Variants in MTUS2 observed in about 807,000 individuals in gnomAD.
The protein encoded by MTUS2 is microtubule associated scaffold protein 2.
Under a neutral mutation model 114.1 loss-of-function variants are expected in MTUS2, and 40 were observed. That is an observed-to-expected ratio of 0.35 (90% CI 0.27 to 0.46). The LOEUF is 0.46. Ranked by LOEUF, MTUS2 falls within the 20% of genes least tolerant of loss-of-function variation. The probability of loss-of-function intolerance (pLI) is 1.00; values close to 1 mark genes in which losing one functional copy is unlikely to be tolerated. For missense variants in MTUS2, 1,679 were observed against 1,705.4 expected (o/e 0.98, Z 0.27); for synonymous variants, 688 against 672.0 (o/e 1.02, Z -0.37).
chr13:29,058,813 G>A (rs1218176894), intron 4 of MTUS2, among the ~76,000 whole-genome samples: 1 of 150,434 alleles, frequency 6.6e-6, no homozygotes, highest in Non-Finnish European at 1.5e-5. Context: ...AACATGCGGT[G>A]TTTGGTTTTT....
chr13:29,241,270 A>G (rs1316293827), intron 5 of MTUS2, among the ~76,000 whole-genome samples: 1 of 148,894 alleles, frequency 6.7e-6, no homozygotes, highest in African/African-American at 2.5e-5. Context: ...TAAAATTGAC[A>G]GAACAATTTC....
At position 29,025,332 on chromosome 13, in the gene MTUS2, G is replaced by T. The variant is rs760588719; in HGVS notation, c.634G>T (p.Gly212Cys). Residue 212 changes from glycine to cysteine, a missense_variant, in exon 3 of 16, where the codon GGT becomes TGT. Transcript: ENST00000612955. ...GGAAGCACGGGGTCAGATACCTGGGGGTGGGGAGGGGCCACAGAAGACATT... is the reference window on the plus strand; with the variant it reads ...GGAAGCACGGGGTCAGATACCTGGGTGTGGGGAGGGGCCACAGAAGACATT... ...SREARGQIPG[G>C]GEGPQKTLPD... 1.7e-5 allele frequency: 28 copies of T among 1,613,810 alleles called. No individual in the cohort carries two copies. In the East Asian group the frequency reaches 6.0e-4, roughly 35 times the overall value.
rs529843908 is a variant in MTUS2, at chr13:29,351,799, G to A, written c.2906-7463G>A. 4.1e-5 allele frequency among the ~76,000 whole-genome samples: 6 copies of A among 147,028 alleles called. No individual in the cohort carries two copies. In the South Asian group the frequency reaches 1.1e-3, roughly 26 times the overall value. On this transcript the variant is annotated intron_variant, in intron 7 of 15. Coordinates refer to ENST00000612955, the MANE Select transcript of MTUS2 (RefSeq NM_001033602.4). Reference sequence around the variant, plus strand: ...GTTTATTTTTTTTTTTTTTTTTGTAGAGATGATGTCTCTCCGTGTTGCCCA... The same window carrying A: ...GTTTATTTTTTTTTTTTTTTTTGTAAAGATGATGTCTCTCCGTGTTGCCCA...
intron 7 of MTUS2, among the ~76,000 whole-genome samples, chr13:29,346,414 C>T (rs1868690063): frequency 6.6e-6 from 1 of 152,036 alleles, no homozygotes; most frequent in Non-Finnish European, 1.5e-5. Flanking sequence ...GGTTTCAGGC[C>T]AATGGAGTTA....
At chr13:28,908,566 A>C (rs1236034180) in intron 2 of MTUS2, among the ~76,000 whole-genome samples, 1 of 151,404 alleles carries the variant, frequency 6.6e-6, no homozygotes, top group Non-Finnish European at 1.5e-5. Context: ...GTTGGTTCCA[A>C]GTCTTTGCTA....
At chr13:29,014,082 C>T (rs1885965881) in intron 2 of MTUS2, among the ~76,000 whole-genome samples, 1 of 152,186 alleles carries the variant, frequency 6.6e-6, no homozygotes, top group Non-Finnish European at 1.5e-5. Flanking sequence ...CTCAGTAAAT[C>T]AGGTCCATCT....
chr13:28,849,166 T>C (rs1876084970), intron 2 of MTUS2, among the ~76,000 whole-genome samples: 1 of 152,260 alleles, frequency 6.6e-6, no homozygotes, highest in South Asian at 2.1e-4. Context: ...AATGCATAAG[T>C]GCATATATTC....
chr13:29,077,583 C>T (rs970903435), intron 4 of MTUS2, among the ~76,000 whole-genome samples: 3 of 152,148 alleles, frequency 2.0e-5, no homozygotes, highest in Admixed American at 6.5e-5. Context: ...CTATTCCGGT[C>T]CTGTTACCCA....
intron 5 of MTUS2, among the ~76,000 whole-genome samples, chr13:29,219,206 A>C (rs1362401159): frequency 6.9e-6 from 1 of 145,370 alleles, no homozygotes; most frequent in African/African-American, 2.6e-5. Context: ...TCCACCTATG[A>C]GTGAGAATAT....
At chr13:29,370,560 T>C (rs1009778319) in intron 8 of MTUS2, among the ~76,000 whole-genome samples, 1 of 152,148 alleles carries the variant, frequency 6.6e-6, no homozygotes, top group African/African-American at 2.4e-5. Flanking sequence ...TATATTTGGC[T>C]CCTATCTTGT....
At chr13:28,844,926 T>G (rs1875766617) in intron 2 of MTUS2, among the ~76,000 whole-genome samples, 1 of 152,200 alleles carries the variant, frequency 6.6e-6, no homozygotes, top group South Asian at 2.1e-4. Flanking sequence ...CAGCATTTTC[T>G]TTTTTAAAAT....
intron 9 of MTUS2, among the ~76,000 whole-genome samples, chr13:29,445,770 T>C (rs1777501517): frequency 6.6e-6 from 1 of 151,944 alleles, no homozygotes; most frequent in Admixed American, 6.5e-5. Flanking sequence ...TAGCCAGGTA[T>C]GGTGGCAAGC....
At chr13:29,306,096 G>C (rs1054665086) in intron 6 of MTUS2, among the ~76,000 whole-genome samples, 1 of 152,162 alleles carries the variant, frequency 6.6e-6, no homozygotes, top group Non-Finnish European at 1.5e-5. Context: ...ATTCCTTCAT[G>C]TTAAAAACTC....
chr13:29,103,939 G>T (rs1025112857), intron 5 of MTUS2, among the ~76,000 whole-genome samples: 13 of 152,154 alleles, frequency 8.5e-5, no homozygotes, highest in African/African-American at 2.9e-4. Flanking sequence ...GTGTTTCCTA[G>T]GCTAGCCTGG....
At position 29,350,960 on chromosome 13, in the gene MTUS2, CAT is replaced by C. The variant is rs56192034; in HGVS notation, c.2906-8279_2906-8278del. Among the ~76,000 whole-genome samples the C allele has an allele frequency of 6.0e-3, 767 of 128,622 alleles. 19 individuals are homozygous for C. Among genetic ancestry groups the C allele is most frequent in the African/African-American group, 0.011 (370 of 35,176 alleles). The allele number at this position is 128,622 out of a possible 152,430, so 84.4% of individuals were successfully genotyped here. A position where few individuals can be genotyped will look rare whatever the true frequency, so the allele number is the denominator to read the frequency against. ...TAGGAATTAGGGCATATATATATTTCATATATATATATATATATATATATCTT... is the reference window on the plus strand; with the variant it reads ...TAGGAATTAGGGCATATATATATTTCATATATATATATATATATATATCTT... On this transcript the variant is annotated intron_variant, in intron 7 of 15. Coordinates refer to ENST00000612955, the MANE Select transcript of MTUS2 (RefSeq NM_001033602.4).
intron 2 of MTUS2, among the ~76,000 whole-genome samples, chr13:28,934,922 A>G (rs1261417063): frequency 6.6e-6 from 1 of 151,412 alleles, no homozygotes; most frequent in Non-Finnish European, 1.5e-5. Context: ...CAAGTTATAT[A>G]ATATTTCCAG....
At chr13:28,914,657 C>G (rs998995111) in intron 2 of MTUS2, among the ~76,000 whole-genome samples, 1 of 151,730 alleles carries the variant, frequency 6.6e-6, no homozygotes, top group Non-Finnish European at 1.5e-5. Flanking sequence ...TTTTCTGTCT[C>G]GATGATCTAA....
At chr13:29,018,351 C>T (rs1225613447) in intron 2 of MTUS2, among the ~76,000 whole-genome samples, 1 of 152,204 alleles carries the variant, frequency 6.6e-6, no homozygotes, top group African/African-American at 2.4e-5. Context: ...AGTTTCCCTT[C>T]ATTCAGGAAT....
rs773654902 is a variant in MTUS2 at position 29,503,113 on chromosome 13, C to T, written c.4017C>T (p.Thr1339=). Residue 1339 remains threonine (T), a synonymous_variant, in exon 16 of 16, where the codon ACC becomes ACT. Coordinates refer to ENST00000612955, the MANE Select transcript of MTUS2 (RefSeq NM_001033602.4). Reference sequence around the variant, plus strand: ...GGAAGCTCCAAACTGGGGACCCGACCAGTCCGATTAAACTCTCGCCCACAT... The same window carrying T: ...GGAAGCTCCAAACTGGGGACCCGACTAGTCCGATTAAACTCTCGCCCACAT... ...LLWKLQTGDP[T]SPIKLSPTSP... 12 of 1,614,098 alleles carry T rather than the reference C, an allele frequency of 7.4e-6. No homozygotes were observed. The highest frequency in any genetic ancestry group is 1.0e-5 in the Non-Finnish European group (12 of 1,180,048).
Sources: gnomAD v4.1 joint callset for allele counts (sites outside exome capture counted in the v4.1 genomes callset) on GRCh38, gnomAD v4.1.1 for gene constraint, MANE v1.5 for transcripts, NCBI Gene and HGNC (gene_info 2026-07-23, HGNC 2026-07-21) for gene names.